The following COL14A1 variants were observed in gnomAD, a reference collection of about 807,000 sequenced individuals.
The protein encoded by COL14A1 is collagen type XIV alpha 1 chain, also known as collagen alpha-1(XIV) chain.
COL14A1 carries 136 observed loss-of-function variants against 230.3 expected under a neutral mutation model. That is an observed-to-expected ratio of 0.59 (90% CI 0.51 to 0.68). COL14A1 has a LOEUF of 0.68. COL14A1 is among the 30% of genes least tolerant of loss of function. The pLI, the probability that COL14A1 is intolerant of heterozygous loss-of-function variation, is 0.00. For synonymous variants in COL14A1, 792 were observed against 784.1 expected, an observed-to-expected ratio of 1.01 and a Z score of -0.17; for missense variants, 1,976 against 2,215.8, an observed-to-expected ratio of 0.89 and a Z score of 2.17.
chr8:120,277,223 C>T (rs1819882711), intron 26 of COL14A1, among the ~76,000 whole-genome samples: 1 of 152,098 alleles, frequency 6.6e-6, no homozygotes, highest in Admixed American at 6.6e-5. Context: ...TTGTGATGTG[C>T]AAGTAACTTG....
intron 13 of COL14A1, among the ~76,000 whole-genome samples, chr8:120,215,446 G>C (rs893719956): frequency 6.6e-6 from 1 of 152,032 alleles, no homozygotes; most frequent in Non-Finnish European, 1.5e-5. Context: ...AAAAAGAAAA[G>C]AAAAGAAAAG....
intron 45 of COL14A1, among the ~76,000 whole-genome samples, chr8:120,348,085 T>C (rs1822585848): frequency 6.6e-6 from 1 of 151,708 alleles, no homozygotes; most frequent in South Asian, 2.1e-4. Flanking sequence ...ATATGCATGT[T>C]TATAGCAGCA....
intron 31 of COL14A1, among the ~76,000 whole-genome samples, chr8:120,281,814 AT>A (rs1820050350): frequency 6.6e-6 from 1 of 152,204 alleles, no homozygotes; most frequent in African/African-American, 2.4e-5. Context: ...ATCCTGAACC[AT>A]TTCATGATAG....
intron 8 of COL14A1, among the ~76,000 whole-genome samples, chr8:120,200,042 T>G (rs1817178169): frequency 6.6e-6 from 1 of 151,626 alleles, no homozygotes; most frequent in African/African-American, 2.4e-5. Flanking sequence ...CCTTCTTGTG[T>G]GAAAAAGCAT....
At position 120,332,193 on chromosome 8, in the gene COL14A1, T is replaced by G. The variant is rs776664869; in HGVS notation, c.4712T>G (p.Ile1571Arg). The change falls in exon 41 of 48, where the codon ATA (isoleucine) becomes AGA (arginine). Residue 1571 changes from isoleucine (I) to arginine (R), a missense_variant and splice_region_variant. Ile to Arg is a moderately conservative substitution (Grantham distance 97). Around this residue, in one of 3 missense-constraint regions of COL14A1, gnomAD observed 1,791 missense variants for 2,019.5 expected, o/e 0.89. Transcript: ENST00000297848. ...GGACCTCCAGGACCACCAGGGCCAA[T>G]AGTAAGCCTTTCCAGAAACTACTGG... Reference protein sequence around the residue: ...SSGPPGPPGPIGIPGTPGVPG... With the variant: ...SSGPPGPPGPRGIPGTPGVPG... 1.9e-6 allele frequency: 3 copies of G among 1,613,996 alleles called. No individual in the cohort carries two copies. Among genetic ancestry groups the G allele is most frequent in the Admixed American group, 3.3e-5 (2 of 60,024 alleles).
At chr8:120,135,035 G>A (rs1042963673) in intron 1 of COL14A1, among the ~76,000 whole-genome samples, 1 of 152,036 alleles carries the variant, frequency 6.6e-6, no homozygotes, top group Non-Finnish European at 1.5e-5. Flanking sequence ...AAATGACCAA[G>A]GATATGCTAG....
chr8:120,282,543 A>T (rs910877241), intron 31 of COL14A1, among the ~76,000 whole-genome samples: 3 of 152,222 alleles, frequency 2.0e-5, no homozygotes, highest in African/African-American at 7.2e-5. Flanking sequence ...TTGAATGGAC[A>T]AATGAATTAA....
chr8:120,337,725 A>G (rs1822133498), intron 42 of COL14A1, among the ~76,000 whole-genome samples: 1 of 152,152 alleles, frequency 6.6e-6, no homozygotes, highest in African/African-American at 2.4e-5. Flanking sequence ...TTTCCTGCCT[A>G]CATCTGCAGG....
At chr8:120,297,445 A>C (rs1314614052) in intron 34 of COL14A1, 66 bp from the exon 35 acceptor site, 6 of 825,858 alleles carry the variant, frequency 7.3e-6, no homozygotes, top group Non-Finnish European at 1.0e-5. Flanking sequence ...AATACATAAC[A>C]TAAAATCATT....
intron 45 of COL14A1, among the ~76,000 whole-genome samples, chr8:120,354,473 A>G (rs953103035): frequency 1.3e-5 from 2 of 152,076 alleles, no homozygotes; most frequent in Non-Finnish European, 2.9e-5. Flanking sequence ...AATGGCAAAG[A>G]ATATGCATTT....
In COL14A1 at chr8:120,261,790, C is replaced by T. The variant is rs28669978; in HGVS notation, c.2870-1078C>T. On this transcript the variant is annotated intron_variant, in intron 23 of 47. Transcript: ENST00000297848. ...CCTATGCTATGTAAGCACCATGTCC[C>T]TTTTCCTCAATTAAAGGATTTTCAG... 3.8e-3 allele frequency among the ~76,000 whole-genome samples: 577 copies of T among 152,306 alleles called. 2 individuals carry two copies. Among genetic ancestry groups the T allele is most frequent in the African/African-American group, 0.013 (525 of 41,570 alleles).
chr8:120,367,857 T>A (rs1823456699), intron 46 of COL14A1, among the ~76,000 whole-genome samples: 1 of 150,800 alleles, frequency 6.6e-6, no homozygotes, highest in Non-Finnish European at 1.5e-5. Flanking sequence ...AAACAGAGGA[T>A]CACATGAGCT....
At chr8:120,218,309 C>CAT (rs1222294059) in intron 14 of COL14A1, among the ~76,000 whole-genome samples, 7 of 140,164 alleles carry the variant, frequency 5.0e-5, no homozygotes, top group African/African-American at 1.3e-4. Context: ...TAATATATAT[C>CAT]ATATATATAT....
intron 40 of COL14A1, among the ~76,000 whole-genome samples, chr8:120,326,723 C>G (rs1404578485): frequency 6.6e-6 from 1 of 152,112 alleles, no homozygotes; most frequent in Non-Finnish European, 1.5e-5. Flanking sequence ...TCACAGTAGA[C>G]TTAAAAACGC....
In COL14A1 at chr8:120,227,282, T is replaced by C. The variant is rs375264245; in HGVS notation, c.2067T>C (p.Tyr689=). ...AAGGCCTGGAGCCCGGTACGGAGTA[T>C]GAAGTTTCACTATTGGCCGTACTTG... ...VIEGLEPGTE[Y]EVSLLAVLDD... The change falls in exon 17 of 48, where the codon TAT becomes TAC. Residue 689 remains tyrosine, a synonymous_variant. Coordinates refer to ENST00000297848, the MANE Select transcript of COL14A1 (RefSeq NM_021110.4). The C allele has an allele frequency of 6.2e-6, 10 of 1,614,090 alleles. No individual in the cohort carries two copies. In the East Asian group the frequency reaches 1.1e-4, roughly 18 times the overall value.
At chr8:120,188,560 T>A (rs1816716765) in intron 5 of COL14A1, among the ~76,000 whole-genome samples, 1 of 152,208 alleles carries the variant, frequency 6.6e-6, no homozygotes, top group African/African-American at 2.4e-5. Flanking sequence ...ACTATTATTA[T>A]TATCTTTGTA....
intron 5 of COL14A1, among the ~76,000 whole-genome samples, chr8:120,179,674 T>C (rs1816398294): frequency 6.6e-6 from 1 of 152,076 alleles, no homozygotes; most frequent in South Asian, 2.1e-4. Context: ...TAGAAAAAAC[T>C]ACTTCACCAT....
intron 5 of COL14A1, among the ~76,000 whole-genome samples, chr8:120,178,021 T>A (rs1303443516): frequency 2.0e-5 from 3 of 152,088 alleles, no homozygotes; most frequent in Non-Finnish European, 4.4e-5. Flanking sequence ...GAGATCTCAC[T>A]GTGCATGCAG....
chr8:120,177,478 G>A (rs927997938), intron 5 of COL14A1, among the ~76,000 whole-genome samples: 11 of 151,562 alleles, frequency 7.3e-5, no homozygotes, highest in African/African-American at 1.7e-4. Context: ...GCGAAACCTC[G>A]CTTCTGGTAA....
Sources: gnomAD v4.1 joint callset for allele counts (sites outside exome capture counted in the v4.1 genomes callset) on GRCh38, gnomAD v4.1.1 for gene constraint, gnomAD v4.1.1 regional missense constraint, MANE v1.5 for transcripts, NCBI Gene and HGNC (gene_info 2026-07-23, HGNC 2026-07-21) for gene names.